ZSWIM5: variants seen among roughly 807,000 people sequenced by gnomAD.
ZSWIM5 encodes zinc finger SWIM-type containing 5.
ZSWIM5 carries 55 observed loss-of-function variants against 119.6 expected under a neutral mutation model. That is an observed-to-expected ratio of 0.46 (90% confidence interval 0.37 to 0.58). The LOEUF is 0.58. Among genes scored for constraint, ZSWIM5 ranks in the 20% least tolerant of loss-of-function variants. The pLI is 0.00. For synonymous variants in ZSWIM5, 537 were observed against 606.9 expected (o/e 0.88, Z 1.69); for missense variants, 1,193 against 1,512.8 (o/e 0.79, Z 3.51).
At chr1:45,186,237 T>C (rs1646057572) in intron 1 of ZSWIM5, among the ~76,000 whole-genome samples, 1 of 121,728 alleles carries the variant, frequency 8.2e-6, no homozygotes, top group African/African-American at 3.1e-5. Context: ...AACATCACAC[T>C]CTGGGGACTG....
chr1:45,121,018 C>T (rs1645588239), intron 1 of ZSWIM5, among the ~76,000 whole-genome samples: 1 of 151,748 alleles, frequency 6.6e-6, no homozygotes, highest in Non-Finnish European at 1.5e-5. Context: ...GGCGCGATCT[C>T]GGCTCACTGC....
At chr1:45,036,690 A>T (rs1341830422) in intron 8 of ZSWIM5, among the ~76,000 whole-genome samples, 2 of 152,070 alleles carry the variant, frequency 1.3e-5, no homozygotes, top group Non-Finnish European at 1.5e-5. Context: ...TTTGGGATAC[A>T]GCTTGGTCAA....
At chr1:45,151,170 G>A (rs1421385712) in intron 1 of ZSWIM5, among the ~76,000 whole-genome samples, 1 of 151,810 alleles carries the variant, frequency 6.6e-6, no homozygotes, top group Non-Finnish European at 1.5e-5. Context: ...CCACTTCTCT[G>A]CCTTATTTTT....
chr1:45,182,466 G>C (rs528413741), intron 1 of ZSWIM5, among the ~76,000 whole-genome samples: 84 of 151,314 alleles, frequency 5.6e-4, no homozygotes, highest in African/African-American at 1.9e-3. Context: ...ATTGGATAAA[G>C]AGTCAAGACC....
At chr1:45,130,322 T>C (rs1346012928) in intron 1 of ZSWIM5, among the ~76,000 whole-genome samples, 1 of 151,732 alleles carries the variant, frequency 6.6e-6, no homozygotes, top group Admixed American at 6.6e-5. Context: ...AAACTAATTA[T>C]CAAACAAAGG....
chr1:45,094,977 C>A (rs897271761), intron 1 of ZSWIM5, among the ~76,000 whole-genome samples: 1 of 152,136 alleles, frequency 6.6e-6, no homozygotes, highest in Admixed American at 6.5e-5. Flanking sequence ...CGTTTACCAA[C>A]TCCTTTCCTA....
In ZSWIM5 at chr1:45,019,340, G is replaced by C; in HGVS notation, c.2696-24C>G. ...ACCTGTCAGGGGGAGCCTGAGCTCA[G>C]CCGTGGCCATCTGGGTCCTGATTCA... On this transcript the variant is annotated intron_variant, in intron 13 of 13. Transcript: ENST00000359600. This position sits in a 1 kb window ranked among gnomAD's most constrained non-coding sequence, Gnocchi z 5.0. 6.3e-7 allele frequency: 1 copy of C among 1,593,560 alleles called. No individual in the cohort carries two copies. The highest frequency in any genetic ancestry group is 8.5e-7 in the Non-Finnish European group (1 of 1,172,210).
chr1:45,099,440 A>G (rs1279329628), intron 1 of ZSWIM5, among the ~76,000 whole-genome samples: 1 of 152,192 alleles, frequency 6.6e-6, no homozygotes, highest in Non-Finnish European at 1.5e-5. Context: ...CCAGGACCAG[A>G]TGGATTCACA....
At chr1:45,070,162 A>T (rs1331485931) in intron 2 of ZSWIM5, 5 of 1,249,330 alleles carry the variant, frequency 4.0e-6, no homozygotes, top group South Asian at 1.2e-5. Flanking sequence ...AGGAAGCTGG[A>T]TGCAAGTCCT....
At chr1:45,094,667 A>G (rs1343038907) in intron 1 of ZSWIM5, among the ~76,000 whole-genome samples, 1 of 152,090 alleles carries the variant, frequency 6.6e-6, no homozygotes, top group African/African-American at 2.4e-5. Flanking sequence ...GTTCAAGACC[A>G]GCCTGGCAAC....
chr1:45,190,317 C>A (rs1051920340), intron 1 of ZSWIM5, among the ~76,000 whole-genome samples: 2 of 151,780 alleles, frequency 1.3e-5, no homozygotes, highest in Non-Finnish European at 2.9e-5. Flanking sequence ...AGAGCCAGAC[C>A]CTGTCTCAAA....
intron 1 of ZSWIM5, among the ~76,000 whole-genome samples, chr1:45,148,432 CA>C (rs1430942239): frequency 6.7e-6 from 1 of 148,736 alleles, no homozygotes; most frequent in Admixed American, 6.7e-5. Context: ...AAACACAATG[CA>C]AAAAAGGTCA....
intron 1 of ZSWIM5, among the ~76,000 whole-genome samples, chr1:45,170,760 T>C (rs1645941733): frequency 1.3e-5 from 2 of 150,706 alleles, no homozygotes; most frequent in Admixed American, 1.3e-4. Flanking sequence ...TTGGTTTCTG[T>C]TGAGATGGGG....
chr1:45,064,784 A>G (rs1645173857), intron 2 of ZSWIM5, among the ~76,000 whole-genome samples: 2 of 152,210 alleles, frequency 1.3e-5, no homozygotes, highest in South Asian at 2.1e-4. Flanking sequence ...TGAAGAAACT[A>G]AAGTTTAGAC....
intron 1 of ZSWIM5, among the ~76,000 whole-genome samples, chr1:45,092,621 G>A (rs1006014110): frequency 7.4e-6 from 1 of 135,150 alleles, no homozygotes; most frequent in African/African-American, 2.8e-5. Context: ...AGTTTTATGT[G>A]TTAATTTGAC....
chr1:45,132,379 T>G (rs1645663162), intron 1 of ZSWIM5, among the ~76,000 whole-genome samples: 1 of 152,148 alleles, frequency 6.6e-6, no homozygotes, highest in South Asian at 2.1e-4. Context: ...CAGTCTATGA[T>G]TCTATGCTGG....
intron 1 of ZSWIM5, among the ~76,000 whole-genome samples, chr1:45,091,248 C>A (rs1645362467): frequency 6.6e-6 from 1 of 152,058 alleles, no homozygotes. Context: ...TCGGGCCATT[C>A]AGAAGTATGT....
At chr1:45,030,773 A>C (rs1644947901) in intron 11 of ZSWIM5, among the ~76,000 whole-genome samples, 1 of 149,084 alleles carries the variant, frequency 6.7e-6, no homozygotes, top group African/African-American at 2.5e-5. Flanking sequence ...CAGGGATTTA[A>C]ATTTGATTTA....
rs771486862 is a variant in ZSWIM5 at position 45,148,570 on chromosome 1, T to C, written c.595+57186A>G. 3.3e-5 allele frequency among the ~76,000 whole-genome samples: 5 copies of C among 152,162 alleles called. No homozygotes were observed. The East Asian group carries it at 7.7e-4, about 23-fold the overall frequency. On this transcript the variant is annotated intron_variant, in intron 1 of 13. Transcript: ENST00000359600. ...TATAATCTAACCTCTTAATAGTGAA[T>C]AGAATTCTTCTCCCTGCTTAAGGAT... is the stretch of plus-strand genomic sequence containing the variant.
Sources: gnomAD v4.1 joint callset for allele counts (sites outside exome capture counted in the v4.1 genomes callset) on GRCh38, gnomAD v4.1.1 for gene constraint, Gnocchi (gnomAD v3.1) non-coding constraint, MANE v1.5 for transcripts, NCBI Gene and HGNC (gene_info 2026-07-23, HGNC 2026-07-21) for gene names.